The following SLC7A8 variants were observed in gnomAD, a reference collection of about 807,000 sequenced individuals.
SLC7A8 encodes the protein solute carrier family 7 member 8, also known as large neutral amino acids transporter small subunit 2.
Under a neutral mutation model 51.2 loss-of-function variants are expected in SLC7A8, and 30 were observed. The observed-to-expected ratio is 0.59, with a 90% confidence interval of 0.44 to 0.80. The LOEUF (loss-of-function observed/expected upper bound fraction) is 0.80. Among genes scored for constraint, SLC7A8 ranks in the 30% least tolerant of loss-of-function variants. The pLI, the probability that SLC7A8 is intolerant of heterozygous loss-of-function variation, is 0.00. For synonymous variants in SLC7A8, 257 were observed against 275.8 expected, an observed-to-expected ratio of 0.93 and a Z score of 0.67; for missense variants, 612 against 674.4, an observed-to-expected ratio of 0.91 and a Z score of 1.03.
intron 1 of SLC7A8, among the ~76,000 whole-genome samples, chr14:23,181,873 C>T (rs1877197757): frequency 6.6e-6 from 1 of 152,236 alleles, no homozygotes; most frequent in Non-Finnish European, 1.5e-5. Context: ...GATGTGCTGT[C>T]TAGAGACGAA....
chr14:23,176,356 G>T (rs7145789), intron 1 of SLC7A8, among the ~76,000 whole-genome samples: 5,231 of 152,154 alleles, frequency 0.034, 342 homozygotes, highest in African/African-American at 0.12. Flanking sequence ...AGACATCCGT[G>T]GTCTTTCTGG....
chr14:23,172,408 A>T (rs752580594), intron 1 of SLC7A8, among the ~76,000 whole-genome samples: 19 of 152,202 alleles, frequency 1.2e-4, no homozygotes, highest in African/African-American at 7.2e-5. Context: ...CACTCTGTAC[A>T]TGCTTGTTTT....
rs2048945425 is a variant in SLC7A8 at position 23,165,565 on chromosome 14, C to A, written c.357-129G>T. The A allele has an allele frequency of 1.1e-6, 1 of 916,750 alleles. No individual in the cohort carries two copies. Among genetic ancestry groups the A allele is most frequent in the Non-Finnish European group, 1.6e-6 (1 of 633,936 alleles). The allele number at this position is 916,750 out of a possible 1,614,324, so 56.8% of individuals were successfully genotyped here. On this transcript the variant is annotated intron_variant, in intron 2 of 10. Transcript: ENST00000316902. The surrounding 1 kb of genome is among the most constrained non-coding windows in gnomAD (Gnocchi z 4.2). ...CTGAAGAGCCCAGCCTCTGCCCCCA[C>A]CCACAAATGAGACACCCAGCCCTCT...
At chr14:23,151,269 A>G (rs555745292) in intron 3 of SLC7A8, among the ~76,000 whole-genome samples, 1 of 152,116 alleles carries the variant, frequency 6.6e-6, no homozygotes, top group East Asian at 1.9e-4. Context: ...AATGGAAACG[A>G]CAGATAGATA....
chr14:23,183,032 C>T lies in SLC7A8; in HGVS notation c.-118G>A. 5.6e-6 allele frequency: 7 copies of T among 1,243,846 alleles called. No homozygotes were observed. In the South Asian group the frequency reaches 7.8e-5, roughly 14 times the overall value. 77.1% of individuals were successfully genotyped at this position (1,243,846 alleles called of 1,614,324 possible). The stretch of plus-strand genomic sequence containing the variant: ...TCCTTTTCCGAAATAGGAACCACTG[C>T]TACTCTCTAAAAAAGGCAAGCAGAT... On this transcript the variant is annotated 5_prime_UTR_variant, in exon 1 of 11. The change abolishes the stop of an existing upstream ORF in the 5' untranslated region. Coordinates refer to ENST00000316902, the MANE Select transcript of SLC7A8 (RefSeq NM_012244.4).
At chr14:23,168,834 T>A (rs1220190463) in intron 1 of SLC7A8, among the ~76,000 whole-genome samples, 2 of 152,164 alleles carry the variant, frequency 1.3e-5, no homozygotes, top group Non-Finnish European at 2.9e-5. Flanking sequence ...TCGAGTATGT[T>A]CCCTTGTTCT....
At chr14:23,178,388 A>T (rs1158168648) in intron 1 of SLC7A8, among the ~76,000 whole-genome samples, 1 of 152,174 alleles carries the variant, frequency 6.6e-6, no homozygotes, top group African/African-American at 2.4e-5. Context: ...GACAAGGATG[A>T]TGTTAAAAGA....
chr14:23,142,922 T>C (rs1443363108), intron 4 of SLC7A8, among the ~76,000 whole-genome samples, 157 bp downstream of exon 4: 1 of 152,162 alleles, frequency 6.6e-6, no homozygotes, highest in East Asian at 1.9e-4. Context: ...TGGTTTCTCC[T>C]TCCCTTTTGT....
intron 3 of SLC7A8, among the ~76,000 whole-genome samples, chr14:23,161,586 T>TGGTGGGGGGAGGTG (rs2048922625): frequency 1.3e-4 from 5 of 38,644 alleles, no homozygotes; most frequent in South Asian, 7.4e-4. Context: ...GGCTGGATGA[T>TGGTGGGGGGAGGTG]GGTGGGGGTA....
At position 23,165,184 on chromosome 14, in the gene SLC7A8, C is replaced by G; in HGVS notation, c.508+101G>C. 8.0e-7 allele frequency: 1 copy of G among 1,247,336 alleles called. No homozygotes were observed. Among genetic ancestry groups the G allele is most frequent in the African/African-American group, 1.6e-5 (1 of 63,674 alleles). 77.3% of individuals were successfully genotyped at this position (1,247,336 alleles called of 1,614,324 possible). Reference sequence around the variant, plus strand: ...AGTGAGCTATGATCATGCGGCTGCGCTCCAGCCTGAGTGACAGAGTGAAGA... The same window carrying G: ...AGTGAGCTATGATCATGCGGCTGCGGTCCAGCCTGAGTGACAGAGTGAAGA... On this transcript the variant is annotated intron_variant, in intron 3 of 10. Transcript: ENST00000316902. The surrounding 1 kb of genome is among the most constrained non-coding windows in gnomAD (Gnocchi z 4.2).
intron 1 of SLC7A8, among the ~76,000 whole-genome samples, chr14:23,166,996 T>C (rs1478157458): frequency 6.6e-6 from 1 of 152,198 alleles, no homozygotes; most frequent in Non-Finnish European, 1.5e-5. Flanking sequence ...GTGGGCTGTT[T>C]TCAGAGACCA....
intron 8 of SLC7A8, among the ~76,000 whole-genome samples, chr14:23,131,017 T>C (rs1201204932): frequency 6.6e-6 from 1 of 152,246 alleles, no homozygotes; most frequent in Non-Finnish European, 1.5e-5. Flanking sequence ...TAACTTCATT[T>C]CAATGATGTT....
intron 1 of SLC7A8, among the ~76,000 whole-genome samples, chr14:23,170,393 G>C (rs1245368681): frequency 6.6e-6 from 1 of 152,138 alleles, no homozygotes; most frequent in African/African-American, 2.4e-5. Context: ...CTGGGAAAAG[G>C]CTTTTCTACT....
intron 1 of SLC7A8, among the ~76,000 whole-genome samples, chr14:23,181,140 A>T (rs1255744533): frequency 6.6e-6 from 1 of 151,510 alleles, no homozygotes; most frequent in Admixed American, 6.6e-5. Flanking sequence ...TGTATAAGTC[A>T]GAACCTTCCT....
At chr14:23,146,776 G>C (rs2048798155) in intron 3 of SLC7A8, 1 of 152,168 alleles carries the variant, frequency 6.6e-6, no homozygotes, top group Non-Finnish European at 1.5e-5. Context: ...ATGTGACTGA[G>C]GGGAAAGAGG....
At chr14:23,166,985 A>G (rs2048953627) in intron 1 of SLC7A8, among the ~76,000 whole-genome samples, 1 of 152,200 alleles carries the variant, frequency 6.6e-6, no homozygotes, top group Non-Finnish European at 1.5e-5. Context: ...GGGCTGGAAA[A>G]GTGGGCTGTT....
chr14:23,132,998 C>T (rs970341030), intron 7 of SLC7A8, among the ~76,000 whole-genome samples: 3 of 152,102 alleles, frequency 2.0e-5, no homozygotes, highest in South Asian at 2.1e-4. Flanking sequence ...AGGCTGGTCT[C>T]GAACTGGGCT....
intron 3 of SLC7A8, among the ~76,000 whole-genome samples, chr14:23,156,971 G>A (rs80217552): frequency 6.6e-6 from 1 of 152,218 alleles, no homozygotes; most frequent in Non-Finnish European, 1.5e-5. Context: ...CGAAGAAGAA[G>A]GCTGACTTCT....
chr14:23,163,090 C>T (rs974643913), intron 3 of SLC7A8, among the ~76,000 whole-genome samples: 2 of 152,158 alleles, frequency 1.3e-5, no homozygotes, highest in Non-Finnish European at 2.9e-5. Context: ...CTCGCTCTTC[C>T]CCGCTCCCCA....
Sources: gnomAD v4.1 joint callset for allele counts (sites outside exome capture counted in the v4.1 genomes callset) on GRCh38, gnomAD v4.1.1 for gene constraint, Gnocchi (gnomAD v3.1) non-coding constraint, MANE v1.5 for transcripts, NCBI Gene and HGNC (gene_info 2026-07-23, HGNC 2026-07-21) for gene names.